Variants in ZNF469 observed in about 807,000 individuals in gnomAD.
The protein encoded by ZNF469 is zinc finger protein 469.
In ZNF469, 1 loss-of-function variant was observed where a neutral mutation model predicts 1.0. The ratio of observed to expected loss-of-function variants is 1.00; its 90% confidence interval spans 0.35 to 4.73. The LOEUF (loss-of-function observed/expected upper bound fraction) is 4.73, where lower values mean the gene tolerates loss of function less well. Ranked by LOEUF, ZNF469 falls within the 30% of genes most tolerant of loss-of-function variation. The pLI, the probability that ZNF469 is intolerant of heterozygous loss-of-function variation, is 0.16. For missense variants in ZNF469, 6,100 were observed against 5,356.3 expected (o/e 1.14, Z -4.33); for synonymous variants, 2,703 against 2,363.4 (o/e 1.14, Z -4.17).
At chr16:88,136,942 C>G in the ZNF469 span, among the ~76,000 whole-genome samples, 1 of 152,236 alleles carries the variant, frequency 6.6e-6, no homozygotes, top group South Asian at 2.1e-4. Flanking sequence ...ATCTCAGCAT[C>G]CTTGGGCAGA....
At chr16:88,415,784 C>A (rs1018440192) in intron 1 of ZNF469, among the ~76,000 whole-genome samples, 1 of 152,238 alleles carries the variant, frequency 6.6e-6, no homozygotes, top group African/African-American at 2.4e-5. Context: ...CCGGGACCGA[C>A]GGCTTCTTCC....
the ZNF469 span, among the ~76,000 whole-genome samples, chr16:88,116,491 A>G: frequency 3.9e-5 from 6 of 152,220 alleles, no homozygotes; most frequent in African/African-American, 1.2e-4. Flanking sequence ...CAACCCCACA[A>G]TGACACTCTT....
chr16:88,438,817 C>G lies in ZNF469; in HGVS notation c.11347C>G (p.Arg3783Gly), dbSNP rs1224593401. 2.6e-6 allele frequency: 4 copies of G among 1,550,210 alleles called. No individual in the cohort carries two copies. The highest frequency in any genetic ancestry group is 1.2e-5 in the South Asian group (1 of 84,060). ...CCCTGCACCAGAGAGGCTCCCCGCT[C>G]GAGCCCAAGCCAAGAGCTGCACCAA... ...RSPAPERLPA[R>G]AQAKSCTKGP... The change falls in exon 3 of 3, where the codon CGA (arginine) becomes GGA (glycine). Residue 3783 changes from arginine to glycine, a missense_variant. Arg to Gly is a moderately radical substitution (Grantham distance 125). Coordinates refer to ENST00000565624, the MANE Select transcript of ZNF469 (RefSeq NM_001367624.2).
the ZNF469 span, among the ~76,000 whole-genome samples, chr16:88,193,097 T>TG: frequency 2.5e-5 from 3 of 117,946 alleles, no homozygotes; most frequent in East Asian, 2.6e-4. Context: ...GTGGTGATGG[T>TG]GTTGATGGTG....
At chr16:88,241,321 T>A in the ZNF469 span, among the ~76,000 whole-genome samples, 1 of 150,526 alleles carries the variant, frequency 6.6e-6, no homozygotes, top group Non-Finnish European at 1.5e-5. This position sits in a 1 kb window ranked among gnomAD's most constrained non-coding sequence, Gnocchi z 4.8. Flanking sequence ...ATCGCGCCAC[T>A]GCACTCTAGC....
the ZNF469 span, among the ~76,000 whole-genome samples, chr16:88,220,435 C>T: frequency 2.0e-5 from 3 of 152,184 alleles, no homozygotes; most frequent in African/African-American, 7.2e-5. Context: ...GAGAGCAGTG[C>T]CAGAGCTTTC....
At chr16:88,421,009 G>T (rs1905439814) in intron 1 of ZNF469, among the ~76,000 whole-genome samples, 1 of 152,230 alleles carries the variant, frequency 6.6e-6, no homozygotes, top group African/African-American at 2.4e-5. Flanking sequence ...CCCAGGAGGG[G>T]CTGGGAAGGA....
intron 1 of ZNF469, among the ~76,000 whole-genome samples, chr16:88,396,914 G>GGCCGGGAGGAGACCCTCATGAAGGGAA (rs1488770215): frequency 1.3e-5 from 2 of 149,372 alleles, no homozygotes; most frequent in Non-Finnish European, 3.0e-5. Flanking sequence ...CATGAAGGGA[G>GGCCGGGAGGAGACCCTCATGAAGGGAA]GCCGGGAGGA....
the ZNF469 span, among the ~76,000 whole-genome samples, chr16:88,323,439 G>A: frequency 3.3e-5 from 5 of 152,336 alleles, no homozygotes; most frequent in East Asian, 9.7e-4. Flanking sequence ...CTTCTCTGTA[G>A]CATTTGTGTT....
the ZNF469 span, among the ~76,000 whole-genome samples, chr16:88,183,279 C>T: frequency 6.6e-6 from 1 of 152,182 alleles, no homozygotes; most frequent in Non-Finnish European, 1.5e-5. Flanking sequence ...TGAACGTACC[C>T]TTAACACGGG....
At chr16:88,262,441 G>A in the ZNF469 span, among the ~76,000 whole-genome samples, 1 of 152,276 alleles carries the variant, frequency 6.6e-6, no homozygotes, top group African/African-American at 2.4e-5. This position sits in a 1 kb window ranked among gnomAD's most constrained non-coding sequence, Gnocchi z 4.3. Context: ...TGGATGGGGA[G>A]CAGTCCATCA....
the ZNF469 span, among the ~76,000 whole-genome samples, chr16:88,298,566 G>A: frequency 6.6e-6 from 1 of 152,194 alleles, no homozygotes; most frequent in Admixed American, 6.5e-5. Context: ...GAGGCGTGGA[G>A]AGGACATGGA....
the ZNF469 span, among the ~76,000 whole-genome samples, chr16:88,193,148 TGGG>T: frequency 0.2 from 4,460 of 22,426 alleles, 1,145 homozygotes; most frequent in Non-Finnish European, 0.24. Context: ...GTGATGGTGG[TGGG>T]GATGGTGGTG....
At position 88,432,475 on chromosome 16, in the gene ZNF469, G is replaced by A. The variant is rs1906269094; in HGVS notation, c.5005G>A (p.Ala1669Thr). 1.9e-6 allele frequency: 3 copies of A among 1,550,250 alleles called. No homozygotes were observed. Among genetic ancestry groups the A allele is most frequent in the Non-Finnish European group, 2.6e-6 (3 of 1,146,998 alleles). The part of the protein sequence containing the change: ...PCPASFHPGH[A>T]ALLPCAQEDL... The stretch of plus-strand genomic sequence containing the variant: ...CCCAGCCTCCTTCCATCCGGGACAT[G>A]CAGCCCTTCTCCCCTGTGCCCAGGA... Residue 1669 changes from alanine (A) to threonine (T), a missense_variant, in exon 3 of 3, where the codon GCA becomes ACA. By Grantham distance (58) the Ala-to-Thr change is moderately conservative (BLOSUM62 0). Coordinates refer to ENST00000565624, the MANE Select transcript of ZNF469 (RefSeq NM_001367624.2).
chr16:88,401,187 G>A (rs981489027), intron 1 of ZNF469, among the ~76,000 whole-genome samples: 3 of 152,216 alleles, frequency 2.0e-5, no homozygotes, highest in African/African-American at 7.2e-5. Flanking sequence ...AAATGCAAGA[G>A]AGGGGCAACT....
chr16:88,394,938 A>C, intron 1 of ZNF469, among the ~76,000 whole-genome samples: 1 of 152,082 alleles, frequency 6.6e-6, no homozygotes, highest in South Asian at 2.1e-4. Context: ...GCTGTCCAGG[A>C]CAACTTTACT....
intron 1 of ZNF469, among the ~76,000 whole-genome samples, chr16:88,398,906 T>A (rs1390838175): frequency 6.6e-6 from 1 of 152,220 alleles, no homozygotes; most frequent in Non-Finnish European, 1.5e-5. Flanking sequence ...CTGCACTCAC[T>A]CTGACCTGCA....
the ZNF469 span, among the ~76,000 whole-genome samples, chr16:88,148,548 G>A: frequency 2.0e-5 from 3 of 152,328 alleles, no homozygotes; most frequent in Admixed American, 6.5e-5. Flanking sequence ...CAATGTCTCT[G>A]TGAATTGCAG....
Position 88,429,523 on chromosome 16 carries a change from C to T in ZNF469, c.2053C>T (p.Leu685=), listed in dbSNP as rs940469210. 3.2e-6 allele frequency: 5 copies of T among 1,550,064 alleles called. No individual in the cohort carries two copies. In the African/African-American group the frequency reaches 4.1e-5, roughly 13 times the overall value. The change falls in exon 3 of 3, where the codon CTG becomes TTG. Residue 685 remains leucine (L), a synonymous_variant. Coordinates refer to ENST00000565624, the MANE Select transcript of ZNF469 (RefSeq NM_001367624.2). ...GLGAEGAFQC[L]EETPFPHEGP... ...GGGAGCCGAGGGTGCCTTCCAGTGC[C>T]TGGAGGAGACCCCATTCCCCCACGA...
Sources: allele counts gnomAD v4.1 joint callset (sites outside exome capture counted in the v4.1 genomes callset), GRCh38; gene constraint gnomAD v4.1.1; non-coding constraint Gnocchi (gnomAD v3.1); transcripts MANE v1.5; gene names NCBI Gene and HGNC (gene_info 2026-07-23, HGNC 2026-07-21).